The following PNPT1 variants were observed in gnomAD, a reference collection of about 807,000 sequenced individuals.
The protein encoded by PNPT1 is polyribonucleotide nucleotidyltransferase 1, mitochondrial.
A neutral mutation model predicts 119.5 loss-of-function variants in PNPT1; 53 were observed. That is an observed-to-expected ratio of 0.44 (90% CI 0.36 to 0.56). The LOEUF (loss-of-function observed/expected upper bound fraction) is 0.56, where lower values mean the gene tolerates loss of function less well. Ranked by LOEUF, PNPT1 falls within the 20% of genes least tolerant of loss-of-function variation. The probability of loss-of-function intolerance (pLI) is 0.00; values close to 1 mark genes in which losing one functional copy is unlikely to be tolerated. For synonymous variants in PNPT1, 357 were observed against 322.1 expected (o/e 1.11, Z -1.16); for missense variants, 948 against 938.5 (o/e 1.01, Z -0.13).
At chr2:55,642,016 A>AT (rs1385466886) in intron 25 of PNPT1, among the ~76,000 whole-genome samples, 37 of 151,932 alleles carry the variant, frequency 2.4e-4, no homozygotes, top group African/African-American at 8.4e-4. Flanking sequence ...TAACTTTTGT[A>AT]TTTTTAGTAG....
At chr2:55,683,340 C>T (rs751677744) in intron 5 of PNPT1, among the ~76,000 whole-genome samples, 1 of 152,166 alleles carries the variant, frequency 6.6e-6, no homozygotes, top group African/African-American at 2.4e-5. Context: ...TTTGGCCAGG[C>T]ACAGTGGCTC....
chr2:55,638,708 G>A (rs1213857465), intron 26 of PNPT1, among the ~76,000 whole-genome samples: 1 of 151,998 alleles, frequency 6.6e-6, no homozygotes, highest in Non-Finnish European at 1.5e-5. Flanking sequence ...CCCTTCAGAT[G>A]TCTACTTAGT....
intron 13 of PNPT1, among the ~76,000 whole-genome samples, chr2:55,662,621 C>T (rs972375969): frequency 6.6e-6 from 1 of 152,110 alleles, no homozygotes; most frequent in Non-Finnish European, 1.5e-5. Context: ...TTGCAGTGAG[C>T]CAAGATGACA....
chr2:55,661,701 A>G (rs1424352095), intron 14 of PNPT1, among the ~76,000 whole-genome samples: 10 of 152,242 alleles, frequency 6.6e-5, no homozygotes, highest in Admixed American at 6.5e-4. Context: ...AAATCATTCT[A>G]GAGACAGAGA....
At position 55,640,854 on chromosome 2, in the gene PNPT1, T is replaced by C. The variant is rs910971380; in HGVS notation, c.2070-149A>G. Reference sequence around the variant, plus strand: ...TTTAGAACTATAAAAAGTATACTTTTCAACTGAAAATATACCCTATAAATA... The same window carrying C: ...TTTAGAACTATAAAAAGTATACTTTCCAACTGAAAATATACCCTATAAATA... On this transcript the variant is annotated intron_variant, in intron 25 of 27. Transcript: ENST00000447944. The C allele has an allele frequency of 1.8e-5, 10 of 569,600 alleles. No individual in the cohort carries two copies. In the African/African-American group the frequency reaches 1.9e-4, roughly 11 times the overall value. The allele number at this position is 569,600 out of a possible 1,614,324, so 35.3% of individuals were successfully genotyped here.
At chr2:55,666,191 A>G (rs1394004785) in intron 13 of PNPT1, among the ~76,000 whole-genome samples, 1 of 152,208 alleles carries the variant, frequency 6.6e-6, no homozygotes, top group Non-Finnish European at 1.5e-5. Context: ...GGTGGGGGGC[A>G]GGAAGAAGGC....
intron 15 of PNPT1, among the ~76,000 whole-genome samples, chr2:55,659,718 C>G (rs1696502979): frequency 6.6e-6 from 1 of 152,042 alleles, no homozygotes. Context: ...ACTTATCATT[C>G]TACACAAAGC....
rs559172258 is a variant in PNPT1 at position 55,635,676 on chromosome 2, A to C, written c.*561T>G. ...ATTCCACTCTGTTTATGATTTGGTAACTAATTTGAAAGGCATTATATTATC... is the reference window on the plus strand; with the variant it reads ...ATTCCACTCTGTTTATGATTTGGTACCTAATTTGAAAGGCATTATATTATC... On this transcript the variant is annotated 3_prime_UTR_variant, in exon 28 of 28. Coordinates refer to ENST00000447944, the MANE Select transcript of PNPT1 (RefSeq NM_033109.5). The C allele has an allele frequency of 6.6e-6, 1 of 152,234 alleles. No individual in the cohort carries two copies. The highest frequency in any genetic ancestry group is 2.4e-5 in the African/African-American group (1 of 41,556). The allele number at this position is 152,234 out of a possible 1,614,324, so 9.4% of individuals were successfully genotyped here.
At position 55,672,948 on chromosome 2, in the gene PNPT1, T is replaced by G; in HGVS notation, c.811A>C (p.Arg271=). The G allele has an allele frequency of 1.2e-6, 2 of 1,613,620 alleles. No homozygotes were observed. Among genetic ancestry groups the G allele is most frequent in the East Asian group, 2.2e-5 (1 of 44,844 alleles). The change falls in exon 9 of 28, where the codon AGG becomes CGG. Residue 271 remains arginine, a synonymous_variant. Coordinates refer to ENST00000447944, the MANE Select transcript of PNPT1 (RefSeq NM_033109.5). ...QLVKETGVTK[R]TPQKLFTPSP... ...GGGGTAAATAACTTCTGAGGTGTCC[T>G]CTTGGTAACACCAGTTTCTTTTACC...
chr2:55,650,715 C>T (rs1572802872), intron 18 of PNPT1, among the ~76,000 whole-genome samples: 2 of 151,334 alleles, frequency 1.3e-5, no homozygotes, highest in South Asian at 4.2e-4. Flanking sequence ...TCTGCCCGGC[C>T]GCCCCGTCTG....
At chr2:55,650,801 G>C (rs566436584) in intron 18 of PNPT1, among the ~76,000 whole-genome samples, 2 of 149,318 alleles carry the variant, frequency 1.3e-5, no homozygotes, top group South Asian at 4.3e-4. Flanking sequence ...CAGCCGCGCC[G>C]TCTGAGAAGT....
intron 19 of PNPT1, 21 bp from the exon 20 acceptor site, chr2:55,646,507 AT>A (rs1318367174): frequency 6.3e-7 from 1 of 1,582,554 alleles, no homozygotes. Flanking sequence ...TTAAAAAGTT[AT>A]GACATAGTTT....
intron 8 of PNPT1, among the ~76,000 whole-genome samples, chr2:55,676,629 A>AAGCG (rs1697081509): frequency 6.6e-6 from 1 of 152,164 alleles, no homozygotes; most frequent in Non-Finnish European, 1.5e-5. Context: ...CGGGAGGCTG[A>AAGCG]GGCAGGTGGA....
chr2:55,686,996 C>A (rs187145612), intron 2 of PNPT1, among the ~76,000 whole-genome samples: 115 of 151,232 alleles, frequency 7.6e-4, no homozygotes, highest in Non-Finnish European at 1.4e-3. Context: ...AGGCGGATCA[C>A]GAGGTCAGGA....
chr2:55,652,287 A>T (rs777121351), intron 18 of PNPT1, among the ~76,000 whole-genome samples: 46 of 152,180 alleles, frequency 3.0e-4, no homozygotes, highest in Admixed American at 5.9e-4. Flanking sequence ...TAGCAATTCA[A>T]ATTCATATTT....
intron 26 of PNPT1, among the ~76,000 whole-genome samples, chr2:55,637,956 C>T (rs931753562): frequency 4.1e-5 from 6 of 146,404 alleles, no homozygotes; most frequent in Admixed American, 2.1e-4. Flanking sequence ...GCCGAGACCA[C>T]GCCATTGCAC....
chr2:55,648,280 G>A (rs756285269), intron 18 of PNPT1, among the ~76,000 whole-genome samples: 1 of 152,134 alleles, frequency 6.6e-6, no homozygotes, highest in Admixed American at 6.6e-5. Context: ...CTTGGATATT[G>A]ACACATACCA....
At position 55,671,372 on chromosome 2, in the gene PNPT1, G is replaced by T; in HGVS notation, c.923C>A (p.Ser308Tyr). The change falls in exon 11 of 28, where the codon TCC becomes TAC. Residue 308 changes from serine (S) to tyrosine (Y), a missense_variant. Transcript: ENST00000447944. ...TATTTTGTTAACAGCTTCATCTCTG[G>T]AAACCTAAAAGAAAGTTGAGGTTCA... ...VFTDYEHDKV[S>Y]RDEAVNKIRL... is the part of the protein sequence containing the mutation. The T allele has an allele frequency of 6.6e-7, 1 of 1,525,966 alleles. No individual in the cohort carries two copies. Among genetic ancestry groups the T allele is most frequent in the Non-Finnish European group, 8.8e-7 (1 of 1,133,214 alleles). The allele number at this position is 1,525,966 out of a possible 1,614,324, so 94.5% of individuals were successfully genotyped here.
At chr2:55,641,831 T>G (rs2586950) in intron 25 of PNPT1, among the ~76,000 whole-genome samples, 71,658 of 151,580 alleles carry the variant, frequency 0.47, 18,129 homozygotes, top group Non-Finnish European at 0.56. Context: ...AAAAATGCTT[T>G]GAGACTGAAA....
Sources: allele counts gnomAD v4.1 joint callset (sites outside exome capture counted in the v4.1 genomes callset), GRCh38; gene constraint gnomAD v4.1.1; transcripts MANE v1.5; gene names NCBI Gene and HGNC (gene_info 2026-07-23, HGNC 2026-07-21).